PARL: variants seen among roughly 807,000 people sequenced by gnomAD.
PARL encodes the protein presenilin-associated rhomboid-like protein, mitochondrial.
Under a neutral mutation model 51.6 loss-of-function variants are expected in PARL, and 44 were observed. That is an observed-to-expected ratio of 0.85 (90% CI 0.67 to 1.10). The LOEUF (loss-of-function observed/expected upper bound fraction) is 1.10. Among genes scored for constraint, PARL ranks in the 50% least tolerant of loss-of-function variants. The pLI, the probability that PARL is intolerant of heterozygous loss-of-function variation, is 0.00. For synonymous variants in PARL, 172 were observed against 164.0 expected, an observed-to-expected ratio of 1.05 and a Z score of -0.37; for missense variants, 441 against 469.5, an observed-to-expected ratio of 0.94 and a Z score of 0.56.
intron 4 of PARL, among the ~76,000 whole-genome samples, chr3:183,858,380 A>G (rs1333611831): frequency 6.6e-6 from 1 of 152,244 alleles, no homozygotes; most frequent in Middle Eastern, 3.2e-3. Flanking sequence ...AAAAAAGAAT[A>G]GACTTTAGAA....
At chr3:183,864,920 T>C (rs1732282990) in intron 3 of PARL, among the ~76,000 whole-genome samples, 2 of 121,788 alleles carry the variant, frequency 1.6e-5, no homozygotes, top group South Asian at 2.6e-4. Context: ...TTTTTTTTTT[T>C]TCCGTATTTC....
chr3:183,829,934 T>G (rs1459197615), intron 9 of PARL, among the ~76,000 whole-genome samples: 3 of 152,222 alleles, frequency 2.0e-5, no homozygotes, highest in African/African-American at 7.2e-5. Flanking sequence ...GTGTGAGTAC[T>G]TCACATATAC....
downstream of PARL, chr3:183,829,242 A>G (rs2108571619): frequency 2.6e-6 from 1 of 385,542 alleles, no homozygotes. Flanking sequence ...AAGCAGAGGC[A>G]CTGGAGGGTC....
intron 1 of PARL, among the ~76,000 whole-genome samples, chr3:183,875,415 C>CA (rs61316689): frequency 0.6 from 35,707 of 59,730 alleles, 10,101 homozygotes; most frequent in East Asian, 0.82. Context: ...ACTCTGTCTC[C>CA]AAAAAAAAAA....
At chr3:183,873,846 T>C (rs1733492289) in intron 1 of PARL, among the ~76,000 whole-genome samples, 1 of 152,084 alleles carries the variant, frequency 6.6e-6, no homozygotes, top group Non-Finnish European at 1.5e-5. Context: ...ACCTCGAGGA[T>C]CTCACCAGAA....
At chr3:183,873,780 G>A (rs995686822) in intron 1 of PARL, among the ~76,000 whole-genome samples, 4 of 152,018 alleles carry the variant, frequency 2.6e-5, no homozygotes, top group East Asian at 1.9e-4. Flanking sequence ...ACATAAACAC[G>A]CTAGGTTGGG....
At chr3:183,833,408 G>C in intron 9 of PARL, 84 bp downstream of exon 9, 3 of 843,566 alleles carry the variant, frequency 3.6e-6, no homozygotes, top group Non-Finnish European at 6.2e-6. Flanking sequence ...TCTGCCATGG[G>C]GATGGGGGGT....
At chr3:183,834,304 C>T (rs1157749025) in intron 7 of PARL, among the ~76,000 whole-genome samples, 3 of 152,176 alleles carry the variant, frequency 2.0e-5, no homozygotes, top group African/African-American at 7.2e-5. Context: ...CCTGTAATTC[C>T]AGCACAGTGT....
intron 7 of PARL, among the ~76,000 whole-genome samples, chr3:183,837,075 A>G (rs1447515194): frequency 1.3e-5 from 2 of 152,162 alleles, no homozygotes; most frequent in Non-Finnish European, 2.9e-5. Context: ...ATAATCTTCA[A>G]ATCTATCATA....
At chr3:183,840,328 T>C (rs1408631595) in intron 7 of PARL, among the ~76,000 whole-genome samples, 1 of 152,184 alleles carries the variant, frequency 6.6e-6, no homozygotes, top group Non-Finnish European at 1.5e-5. Flanking sequence ...GGTAAACATA[T>C]ATATATGACC....
chr3:183,874,575 A>C (rs1733579003), intron 1 of PARL, among the ~76,000 whole-genome samples: 1 of 151,908 alleles, frequency 6.6e-6, no homozygotes, highest in Non-Finnish European at 1.5e-5. Context: ...CACCGAGCTG[A>C]TTTTTGTATT....
At chr3:183,827,420 CGA>C (rs60941610), downstream of PARL, among the ~76,000 whole-genome samples, 10 of 149,870 alleles carry the variant, frequency 6.7e-5, no homozygotes, top group African/African-American at 7.3e-5. Flanking sequence ...CCAGCCTGGA[CGA>C]GAGAGAGAGA....
intron 1 of PARL, among the ~76,000 whole-genome samples, chr3:183,880,829 T>G (rs963801421): frequency 6.6e-6 from 1 of 152,172 alleles, no homozygotes; most frequent in Admixed American, 6.5e-5. Context: ...TTTGGGTCTT[T>G]TTTTGAGACA....
chr3:183,874,006 C>T (rs1733508666), intron 1 of PARL, among the ~76,000 whole-genome samples: 1 of 152,160 alleles, frequency 6.6e-6, no homozygotes, highest in Non-Finnish European at 1.5e-5. Context: ...AAGTTTGTTA[C>T]ACAAATTGAA....
intron 6 of PARL, among the ~76,000 whole-genome samples, chr3:183,841,583 GA>G (rs1314557531): frequency 6.6e-6 from 1 of 152,148 alleles, no homozygotes; most frequent in African/African-American, 2.4e-5. Flanking sequence ...ACAACTGCCA[GA>G]TATACTGTTT....
At chr3:183,838,253 C>T (rs1239447918) in intron 7 of PARL, among the ~76,000 whole-genome samples, 2 of 152,118 alleles carry the variant, frequency 1.3e-5, no homozygotes, top group African/African-American at 4.8e-5. Flanking sequence ...TCTCAAACCT[C>T]CTGGGCTCAA....
intron 1 of PARL, chr3:183,883,444 A>G (rs1463204351): frequency 4.7e-6 from 1 of 212,690 alleles, no homozygotes; most frequent in Non-Finnish European, 8.1e-6. Context: ...AATTTCTTGT[A>G]TTTTTAGTAG....
At chr3:183,840,793 G>C (rs12636826) in intron 6 of PARL, 153 bp from the exon 7 acceptor site, 43,324 of 150,226 alleles carry the variant, frequency 0.29, 7,319 homozygotes, top group African/African-American at 0.46. Flanking sequence ...ACTGCAACCT[G>C]TGCCTACCGG....
At chr3:183,833,853 G>C in intron 7 of PARL, 28 bp from the exon 8 acceptor site, 1 of 1,443,554 alleles carries the variant, frequency 6.9e-7, no homozygotes. Flanking sequence ...AGGGAGAATG[G>C]GAAACTCAAT....
Sources: gnomAD v4.1 joint callset for allele counts (sites outside exome capture counted in the v4.1 genomes callset) on GRCh38, gnomAD v4.1.1 for gene constraint, MANE v1.5 for transcripts, NCBI Gene and HGNC (gene_info 2026-07-23, HGNC 2026-07-21) for gene names.